The following EXOC4 variants were observed in gnomAD, a reference collection of about 807,000 sequenced individuals.
The protein encoded by EXOC4 is SEC8-like 1.
In EXOC4, 71 loss-of-function variants were observed where a neutral mutation model predicts 107.2. The observed-to-expected ratio is 0.66, with a 90% CI of 0.55 to 0.81. The LOEUF (loss-of-function observed/expected upper bound fraction) is 0.81, where lower values mean the gene tolerates loss of function less well. Ranked by LOEUF, EXOC4 falls within the 30% of genes least tolerant of loss-of-function variation. EXOC4 has a pLI of 0.00. For missense variants in EXOC4, 1,108 were observed against 1,189.6 expected (o/e 0.93, Z 1.01); for synonymous variants, 456 against 441.2 (o/e 1.03, Z -0.42).
intron 10 of EXOC4, among the ~76,000 whole-genome samples, chr7:133,793,845 A>G (rs1796755729): frequency 1.8e-5 from 1 of 55,464 alleles, no homozygotes. Flanking sequence ...TCTGTCACAC[A>G]CACAAAAAAT....
At chr7:133,546,687 C>G (rs1247558910) in intron 9 of EXOC4, among the ~76,000 whole-genome samples, 1 of 152,100 alleles carries the variant, frequency 6.6e-6, no homozygotes, top group Non-Finnish European at 1.5e-5. Flanking sequence ...CATTTCCCCA[C>G]CCCCAGCCTC....
At chr7:133,935,443 A>G (rs1800277771) in intron 13 of EXOC4, among the ~76,000 whole-genome samples, 1 of 152,170 alleles carries the variant, frequency 6.6e-6, no homozygotes, top group East Asian at 1.9e-4. Flanking sequence ...CCAAGAACGC[A>G]TGGGATAATG....
At chr7:133,266,062 C>T (rs1793724599) in intron 1 of EXOC4, among the ~76,000 whole-genome samples, 5 of 152,152 alleles carry the variant, frequency 3.3e-5, no homozygotes. Context: ...TACTAGGTGA[C>T]TAAAGCAATA....
chr7:133,377,965 C>T (rs1158911618), intron 7 of EXOC4, among the ~76,000 whole-genome samples: 1 of 151,742 alleles, frequency 6.6e-6, no homozygotes, highest in East Asian at 1.9e-4. Context: ...TTCAAATGAA[C>T]TAAAACTTAA....
chr7:133,819,716 G>A (rs185425778), intron 11 of EXOC4, among the ~76,000 whole-genome samples: 1 of 152,112 alleles, frequency 6.6e-6, no homozygotes, highest in Admixed American at 6.5e-5. Context: ...GCCATACAGA[G>A]CAACTTGAAC....
intron 10 of EXOC4, among the ~76,000 whole-genome samples, chr7:133,728,888 T>A (rs1408622995): frequency 6.6e-6 from 1 of 152,190 alleles, no homozygotes; most frequent in African/African-American, 2.4e-5. Context: ...ACCCATTCCA[T>A]CTCTCAATGA....
chr7:133,611,391 G>A (rs1181545128), intron 9 of EXOC4, among the ~76,000 whole-genome samples: 2 of 152,114 alleles, frequency 1.3e-5, no homozygotes, highest in Non-Finnish European at 2.9e-5. Context: ...AAAAATTAAG[G>A]AAAAGATTGT....
chr7:133,639,562 T>A (rs1802801320), intron 10 of EXOC4, among the ~76,000 whole-genome samples: 1 of 152,130 alleles, frequency 6.6e-6, no homozygotes, highest in Admixed American at 6.5e-5. Context: ...AAAGGAAACT[T>A]CTTTGATTCA....
intron 7 of EXOC4, among the ~76,000 whole-genome samples, chr7:133,405,853 T>C (rs565923426): frequency 3.9e-5 from 6 of 152,208 alleles, no homozygotes; most frequent in Non-Finnish European, 8.8e-5. Context: ...ATTGAAGGTA[T>C]GTACTGTACT....
chr7:133,915,143 G>C lies in EXOC4; in HGVS notation c.1872-2440G>C, dbSNP rs573406092. Among the ~76,000 whole-genome samples the C allele has an allele frequency of 2.0e-5, 3 of 152,332 alleles. No individual in the cohort carries two copies. The South Asian group carries it at 6.2e-4, about 32-fold the overall frequency. ...GAGAGATTTCATGAATGAGAGGTGA[G>C]ACAGTGAAGTCAATTAGTGCAGGCT... On this transcript the variant is annotated intron_variant, in intron 12 of 17. Transcript: ENST00000253861.
intron 7 of EXOC4, among the ~76,000 whole-genome samples, chr7:133,461,624 G>C (rs1213601838): frequency 3.3e-5 from 5 of 152,152 alleles, no homozygotes; most frequent in Non-Finnish European, 7.4e-5. Flanking sequence ...CTTTCAGGTC[G>C]TTAGGGTGGC....
chr7:133,541,917 G>A (rs1230296766), intron 9 of EXOC4, among the ~76,000 whole-genome samples: 1 of 152,118 alleles, frequency 6.6e-6, no homozygotes, highest in East Asian at 1.9e-4. Context: ...TGTCCAGTGA[G>A]GAATTCCAGC....
chr7:134,083,956 A>T, the EXOC4 span, among the ~76,000 whole-genome samples: 1 of 152,206 alleles, frequency 6.6e-6, no homozygotes, highest in Non-Finnish European at 1.5e-5. Context: ...TTTCTCTAGA[A>T]GTGTCTTGCA....
intron 17 of EXOC4, 147 bp downstream of exon 17, chr7:134,007,982 G>C (rs766982324): frequency 1.3e-5 from 9 of 694,828 alleles, no homozygotes; most frequent in Non-Finnish European, 2.0e-5. Context: ...AGGTCCTATA[G>C]AGAAAATAAT....
intron 5 of EXOC4, among the ~76,000 whole-genome samples, chr7:133,318,446 G>C (rs958786757): frequency 3.3e-5 from 5 of 152,168 alleles, no homozygotes; most frequent in East Asian, 1.9e-4. Flanking sequence ...AAGAAGACTC[G>C]ATGTCTTTTG....
At chr7:133,901,329 C>A (rs1369253418) in intron 12 of EXOC4, among the ~76,000 whole-genome samples, 1 of 152,098 alleles carries the variant, frequency 6.6e-6, no homozygotes, top group Non-Finnish European at 1.5e-5. Flanking sequence ...AAATGTCCAA[C>A]AGCATAAGAC....
chr7:133,344,856 A>G lies in EXOC4; in HGVS notation c.764-11474A>G, dbSNP rs1358264896. Among the ~76,000 whole-genome samples the G allele has an allele frequency of 3.3e-5, 5 of 152,132 alleles. No individual in the cohort carries two copies. In the East Asian group the frequency reaches 9.6e-4, roughly 29 times the overall value. Reference sequence around the variant, plus strand: ...TTTTTCACATTCTACCTTTGTTTGCAATAAGGCCTTCTGGCAGATCAGGGA... The same window carrying G: ...TTTTTCACATTCTACCTTTGTTTGCGATAAGGCCTTCTGGCAGATCAGGGA... On this transcript the variant is annotated intron_variant, in intron 5 of 17. Coordinates refer to ENST00000253861, the MANE Select transcript of EXOC4 (RefSeq NM_021807.4).
At chr7:133,328,993 G>C (rs879243292) in intron 5 of EXOC4, among the ~76,000 whole-genome samples, 1 of 152,122 alleles carries the variant, frequency 6.6e-6, no homozygotes, top group Admixed American at 6.5e-5. Context: ...AGTTCTCCTG[G>C]ATAATATCCT....
In EXOC4 at chr7:133,817,508, C is replaced by T. The variant is rs775705443; in HGVS notation, c.1698C>T (p.Thr566=). The change falls in exon 11 of 18, where the codon ACC becomes ACT. Residue 566 remains threonine (T), a synonymous_variant. Coordinates refer to ENST00000253861, the MANE Select transcript of EXOC4 (RefSeq NM_021807.4). The part of the protein sequence containing the change: ...DPLKILANAD[T]MKVLGVQRPL... ...TGAAGATTCTGGCCAACGCAGACAC[C>T]ATGAAGGTGCTGGGAGTGCAGCGGC... 1 of 1,614,062 alleles carries T rather than the reference C, an allele frequency of 6.2e-7. No individual in the cohort carries two copies. The highest frequency in any genetic ancestry group is 1.7e-5 in the Admixed American group (1 of 60,018).
Sources: gnomAD v4.1 joint callset for allele counts (sites outside exome capture counted in the v4.1 genomes callset) on GRCh38, gnomAD v4.1.1 for gene constraint, MANE v1.5 for transcripts, NCBI Gene and HGNC (gene_info 2026-07-23, HGNC 2026-07-21) for gene names.